Variants in MARCHF4 observed in about 807,000 individuals in gnomAD.
MARCHF4 encodes the protein E3 ubiquitin-protein ligase MARCHF4.
MARCHF4 carries 14 observed loss-of-function variants against 43.9 expected under a neutral mutation model. That is an observed-to-expected ratio of 0.32 (90% CI 0.21 to 0.50). MARCHF4 has a LOEUF of 0.50. Ranked by LOEUF, MARCHF4 falls within the 20% of genes least tolerant of loss-of-function variation. The pLI, the probability that MARCHF4 is intolerant of heterozygous loss-of-function variation, is 0.98. For synonymous variants in MARCHF4, 226 were observed against 213.3 expected, an observed-to-expected ratio of 1.06 and a Z score of -0.52; for missense variants, 468 against 536.7, an observed-to-expected ratio of 0.87 and a Z score of 1.27.
intron 3 of MARCHF4, among the ~76,000 whole-genome samples, chr2:216,261,518 T>A (rs899846140): frequency 2.0e-5 from 3 of 152,326 alleles, no homozygotes; most frequent in Non-Finnish European, 2.9e-5. Flanking sequence ...CTTTTCCATA[T>A]AAGGTAACAT....
chr2:216,311,472 G>C (rs915538018), intron 1 of MARCHF4, among the ~76,000 whole-genome samples: 41 of 152,246 alleles, frequency 2.7e-4, no homozygotes, highest in Admixed American at 1.6e-3. Context: ...TGGGCAGGCT[G>C]GTCTCAAACT....
At chr2:216,349,222 A>C (rs559614969) in intron 1 of MARCHF4, among the ~76,000 whole-genome samples, 1 of 152,232 alleles carries the variant, frequency 6.6e-6, no homozygotes, top group Non-Finnish European at 1.5e-5. Context: ...ACTAACCACA[A>C]GATGGTTAAA....
rs1690686560 is a variant in MARCHF4 at position 216,258,442 on chromosome 2, A to G, written c.*870T>C. On this transcript the variant is annotated 3_prime_UTR_variant, in exon 4 of 4. Coordinates refer to ENST00000273067, the MANE Select transcript of MARCHF4 (RefSeq NM_020814.3). ...TTGCTCCGGGATTGACAGCTTCCAA[A>G]GCTGAAGCCACAGCAGCAGAACTGT... 1 of 152,818 alleles carries G rather than the reference A, an allele frequency of 6.5e-6. No individual in the cohort carries two copies. Among genetic ancestry groups the G allele is most frequent in the South Asian group, 2.1e-4 (1 of 4,820 alleles). The allele number at this position is 152,818 out of a possible 1,614,324, so 9.5% of individuals were successfully genotyped here.
intron 1 of MARCHF4, among the ~76,000 whole-genome samples, chr2:216,331,416 C>T (rs1692079840): frequency 6.6e-6 from 1 of 152,070 alleles, no homozygotes; most frequent in Middle Eastern, 3.4e-3. Flanking sequence ...TGAATTATCC[C>T]AAATATTTCA....
At chr2:216,281,585 G>C (rs1046827495) in intron 2 of MARCHF4, among the ~76,000 whole-genome samples, 2 of 152,204 alleles carry the variant, frequency 1.3e-5, no homozygotes, top group African/African-American at 4.8e-5. Context: ...GCAGGCAGCT[G>C]TCTCACATGT....
chr2:216,290,974 T>C (rs1263287467), intron 1 of MARCHF4, among the ~76,000 whole-genome samples: 1 of 152,114 alleles, frequency 6.6e-6, no homozygotes, highest in African/African-American at 2.4e-5. Context: ...GAGATACATG[T>C]TAATCTGGAG....
intron 1 of MARCHF4, among the ~76,000 whole-genome samples, chr2:216,359,360 T>G (rs1692544832): frequency 6.6e-6 from 1 of 152,210 alleles, no homozygotes; most frequent in African/African-American, 2.4e-5. Context: ...TTTCCTCTTC[T>G]TTTCTCTTTT....
At chr2:216,275,060 T>C (rs1690998550) in intron 3 of MARCHF4, among the ~76,000 whole-genome samples, 3 of 152,214 alleles carry the variant, frequency 2.0e-5, no homozygotes, top group Non-Finnish European at 2.9e-5. Flanking sequence ...GGATAAATTA[T>C]GGTGTGCTTT....
intron 1 of MARCHF4, among the ~76,000 whole-genome samples, chr2:216,358,677 C>T (rs930180628): frequency 1.3e-5 from 2 of 152,210 alleles, no homozygotes; most frequent in Non-Finnish European, 2.9e-5. Context: ...CATTCACTCC[C>T]TCTACCTTTA....
chr2:216,345,386 A>G (rs1692304513), intron 1 of MARCHF4, among the ~76,000 whole-genome samples: 1 of 152,000 alleles, frequency 6.6e-6, no homozygotes, highest in Non-Finnish European at 1.5e-5. Flanking sequence ...AGGCTTTCCA[A>G]AATAAGCTAC....
intron 1 of MARCHF4, among the ~76,000 whole-genome samples, chr2:216,303,097 A>G (rs1163768390): frequency 6.6e-6 from 1 of 152,096 alleles, no homozygotes; most frequent in Non-Finnish European, 1.5e-5. Flanking sequence ...AGCTCAGAAC[A>G]TAGGAATGAA....
intron 1 of MARCHF4, among the ~76,000 whole-genome samples, chr2:216,287,545 T>C (rs531908747): frequency 1.2e-4 from 18 of 144,830 alleles, no homozygotes; most frequent in Admixed American, 1.0e-3. Flanking sequence ...GGACACACTG[T>C]GGGGGAGTGG....
At chr2:216,283,833 G>A in intron 1 of MARCHF4, 104 bp from the exon 2 acceptor site, 3 of 1,247,954 alleles carry the variant, frequency 2.4e-6, no homozygotes, top group Non-Finnish European at 3.3e-6. Flanking sequence ...AGCCACCCAA[G>A]TAGGCCACAG....
At chr2:216,338,244 G>C (rs1335238772) in intron 1 of MARCHF4, among the ~76,000 whole-genome samples, 1 of 152,100 alleles carries the variant, frequency 6.6e-6, no homozygotes, top group Non-Finnish European at 1.5e-5. Flanking sequence ...AACTTGCCCA[G>C]GTGCTGTGTG....
At chr2:216,259,715 T>C in intron 3 of MARCHF4, 36 bp from the exon 4 acceptor site, 2 of 1,595,338 alleles carry the variant, frequency 1.3e-6, no homozygotes, top group Non-Finnish European at 1.7e-6. Context: ...AGAGGCCAAA[T>C]GAGAGGAAGT....
intron 3 of MARCHF4, among the ~76,000 whole-genome samples, chr2:216,269,605 C>T (rs180750999): frequency 6.6e-6 from 1 of 152,272 alleles, no homozygotes; most frequent in Admixed American, 6.5e-5. Context: ...TGAGTGTTCC[C>T]TCTGAGGGGA....
intron 1 of MARCHF4, chr2:216,303,736 G>A (rs1436589219): frequency 6.6e-6 from 1 of 152,160 alleles, no homozygotes; most frequent in Non-Finnish European, 1.5e-5. Context: ...GTGAGCTGCT[G>A]TTTTTCTCGT....
At chr2:216,360,533 A>ACT (rs1692559443) in intron 1 of MARCHF4, among the ~76,000 whole-genome samples, 1 of 151,956 alleles carries the variant, frequency 6.6e-6, no homozygotes, top group South Asian at 2.1e-4. Context: ...AAGGCTACAC[A>ACT]CTGTATAATT....
intron 3 of MARCHF4, among the ~76,000 whole-genome samples, chr2:216,272,401 T>A (rs1690953282): frequency 6.6e-6 from 1 of 152,192 alleles, no homozygotes; most frequent in African/African-American, 2.4e-5. Context: ...GCTCACTGAA[T>A]TTCTGATTGT....
Sources: allele counts gnomAD v4.1 joint callset (sites outside exome capture counted in the v4.1 genomes callset), GRCh38; gene constraint gnomAD v4.1.1; transcripts MANE v1.5; gene names NCBI Gene and HGNC (gene_info 2026-07-23, HGNC 2026-07-21).